CNTNAP2: variants seen among roughly 807,000 people sequenced by gnomAD.
CNTNAP2 encodes the protein contactin-associated protein-like 2.
In CNTNAP2, 98 loss-of-function variants were observed where a neutral mutation model predicts 155.2. That is an observed-to-expected ratio of 0.63 (90% CI 0.54 to 0.75). CNTNAP2 has a LOEUF of 0.75. Ranked by LOEUF, CNTNAP2 falls within the 30% of genes least tolerant of loss-of-function variation. CNTNAP2 has a pLI of 0.00. For missense variants in CNTNAP2, 1,727 were observed against 1,688.1 expected (o/e 1.02, Z -0.40); for synonymous variants, 651 against 631.2 (o/e 1.03, Z -0.47).
intron 21 of CNTNAP2, among the ~76,000 whole-genome samples, chr7:148,304,023 A>G (rs898239082): frequency 6.6e-6 from 1 of 152,244 alleles, no homozygotes; most frequent in Admixed American, 6.5e-5. Flanking sequence ...CTGGGAATCT[A>G]CAAATCTGCA....
intron 10 of CNTNAP2, among the ~76,000 whole-genome samples, chr7:147,414,498 T>C (rs13246604): frequency 0.17 from 26,486 of 151,804 alleles, 2,944 homozygotes; most frequent in Non-Finnish European, 0.25. Context: ...GTGTAGTTGT[T>C]TGATACTTAT....
At chr7:146,772,010 A>G (rs1802300659) in intron 1 of CNTNAP2, among the ~76,000 whole-genome samples, 1 of 152,152 alleles carries the variant, frequency 6.6e-6, no homozygotes, top group Non-Finnish European at 1.5e-5. Context: ...CATTGGGTTT[A>G]GTACATTCAT....
intron 14 of CNTNAP2, among the ~76,000 whole-genome samples, chr7:147,960,461 A>T (rs1468464473): frequency 6.6e-6 from 1 of 152,206 alleles, no homozygotes; most frequent in African/African-American, 2.4e-5. Flanking sequence ...ATATTCAATT[A>T]TAACACATTT....
rs1329333093 is a variant in CNTNAP2 at position 146,411,815 on chromosome 7, TTTATTTATTTAC to T, written c.97+294854_97+294865del. On this transcript the variant is annotated intron_variant, in intron 1 of 23. Transcript: ENST00000361727. ...CATTGTTATTTTTATTTTATTTTATTTTATTTATTTACTTATTTATTTATTTATTTATTTTAT... is the reference window on the plus strand; with the variant it reads ...CATTGTTATTTTTATTTTATTTTATTTTATTTATTTATTTATTTATTTTAT... Among the ~76,000 whole-genome samples the T allele has an allele frequency of 2.7e-5, 3 of 109,968 alleles. No homozygotes were observed. In the East Asian group the frequency reaches 6.6e-4, roughly 24 times the overall value. 72.1% of individuals were successfully genotyped at this position (109,968 alleles called of 152,430 possible).
At chr7:147,011,959 A>C (rs1449459467) in intron 3 of CNTNAP2, among the ~76,000 whole-genome samples, 1 of 152,174 alleles carries the variant, frequency 6.6e-6, no homozygotes, top group Admixed American at 6.5e-5. Flanking sequence ...CCTTTTGTCT[A>C]ATCACAGTTC....
At chr7:146,427,159 T>G (rs1368705160) in intron 1 of CNTNAP2, among the ~76,000 whole-genome samples, 1 of 152,212 alleles carries the variant, frequency 6.6e-6, no homozygotes, top group Non-Finnish European at 1.5e-5. Context: ...TATTTATATA[T>G]GCATCTTTAA....
At chr7:146,371,937 C>A (rs572342836) in intron 1 of CNTNAP2, among the ~76,000 whole-genome samples, 1 of 145,592 alleles carries the variant, frequency 6.9e-6, no homozygotes, top group South Asian at 2.1e-4. Context: ...CCAGCCTGGG[C>A]GACAGAGTGA....
intron 1 of CNTNAP2, among the ~76,000 whole-genome samples, chr7:146,620,971 C>A (rs568841281): frequency 6.6e-6 from 1 of 152,188 alleles, no homozygotes; most frequent in Middle Eastern, 3.4e-3. Context: ...TTATCTTCTC[C>A]ATTAATTATA....
At chr7:147,241,462 T>C (rs913862633) in intron 8 of CNTNAP2, among the ~76,000 whole-genome samples, 2 of 151,880 alleles carry the variant, frequency 1.3e-5, no homozygotes, top group Admixed American at 6.6e-5. Flanking sequence ...ACCTCATCTC[T>C]ACTAAAAATA....
At chr7:147,939,189 A>G (rs1414508895) in intron 14 of CNTNAP2, among the ~76,000 whole-genome samples, 2 of 152,180 alleles carry the variant, frequency 1.3e-5, no homozygotes, top group African/African-American at 4.8e-5. Context: ...AATATGTACC[A>G]GAAACCTAAA....
chr7:148,233,807 C>T (rs1796003023), intron 20 of CNTNAP2, among the ~76,000 whole-genome samples: 1 of 152,096 alleles, frequency 6.6e-6, no homozygotes, highest in South Asian at 2.1e-4. Context: ...AATTATAATC[C>T]CCAATGTTGA....
intron 17 of CNTNAP2, among the ~76,000 whole-genome samples, chr7:148,159,400 A>T (rs1805473275): frequency 6.6e-6 from 1 of 152,010 alleles, no homozygotes; most frequent in South Asian, 2.1e-4. Context: ...CATGCTTTAT[A>T]TGGGTGGCAT....
intron 21 of CNTNAP2, among the ~76,000 whole-genome samples, chr7:148,313,433 C>T (rs973111025): frequency 2.6e-5 from 4 of 151,616 alleles, no homozygotes; most frequent in East Asian, 3.9e-4. Context: ...AGTGGGGTCC[C>T]GCACAGATGG....
intron 1 of CNTNAP2, among the ~76,000 whole-genome samples, chr7:146,384,279 C>T (rs1009976244): frequency 5.3e-5 from 8 of 152,124 alleles, no homozygotes; most frequent in African/African-American, 1.4e-4. Flanking sequence ...TTAGAACTTT[C>T]GTTGTACAGA....
intron 10 of CNTNAP2, among the ~76,000 whole-genome samples, chr7:147,481,482 C>A (rs4725736): frequency 0.62 from 94,048 of 152,068 alleles, 29,361 homozygotes; most frequent in African/African-American, 0.69. Context: ...GATTGAATTG[C>A]AACATCCATC....
At chr7:147,458,593 C>T (rs1325517651) in intron 10 of CNTNAP2, among the ~76,000 whole-genome samples, 2 of 152,094 alleles carry the variant, frequency 1.3e-5, no homozygotes, top group Non-Finnish European at 2.9e-5. Flanking sequence ...GGATGAGAAG[C>T]GGACATGCAG....
chr7:146,908,291 C>T (rs986706606), intron 3 of CNTNAP2, among the ~76,000 whole-genome samples: 1 of 150,130 alleles, frequency 6.7e-6, no homozygotes, highest in African/African-American at 2.4e-5. Context: ...CAGCTCTGCA[C>T]CAAGCGGACC....
chr7:146,205,579 A>G (rs1798933076), intron 1 of CNTNAP2, among the ~76,000 whole-genome samples: 1 of 151,878 alleles, frequency 6.6e-6, no homozygotes, highest in Admixed American at 6.6e-5. Context: ...AAAAATTAAG[A>G]TATTGGAAAT....
intron 8 of CNTNAP2, among the ~76,000 whole-genome samples, chr7:147,273,161 C>T (rs951207392): frequency 1.3e-5 from 2 of 152,154 alleles, no homozygotes; most frequent in Non-Finnish European, 2.9e-5. Context: ...TGAGGACAAT[C>T]TAAACGGGCG....
Sources: allele counts gnomAD v4.1 joint callset (sites outside exome capture counted in the v4.1 genomes callset), GRCh38; gene constraint gnomAD v4.1.1; transcripts MANE v1.5; gene names NCBI Gene and HGNC (gene_info 2026-07-23, HGNC 2026-07-21).